Variants in COL6A1 observed in about 807,000 individuals in gnomAD.
The protein encoded by COL6A1 is collagen type VI alpha 1 chain.
COL6A1 carries 80 observed loss-of-function variants against 145.6 expected under a neutral mutation model. The observed-to-expected ratio is 0.55, with a 90% CI of 0.46 to 0.66. COL6A1 has a LOEUF of 0.66. COL6A1 is among the 30% of genes least tolerant of loss of function. The probability of loss-of-function intolerance (pLI) is 0.00; values close to 1 mark genes in which losing one functional copy is unlikely to be tolerated. For missense variants in COL6A1, 1,364 were observed against 1,473.8 expected (o/e 0.93, Z 1.22); for synonymous variants, 638 against 622.8 (o/e 1.02, Z -0.36).
At chr21:45,993,707 G>T (rs548602955) in intron 19 of COL6A1, among the ~76,000 whole-genome samples, 1 of 152,146 alleles carries the variant, frequency 6.6e-6, no homozygotes, top group Admixed American at 6.5e-5. Flanking sequence ...TGGAGGGGTC[G>T]GGGGGACGTC....
Position 45,999,690 on chromosome 21 carries a change from G to A in COL6A1, c.1774G>A (p.Asp592Asn), listed in dbSNP as rs1315696319. ...AGGACACCAAGGACCGCCTGGGCCG[G>A]ACGTAAGTGGGGCTCTGTGAACATT... is the stretch of plus-strand genomic sequence containing the variant. ...PPGHQGPPGP[D>N]ECEILDIIMK... The change falls in exon 27 of 35, where the codon GAC becomes AAC. Residue 592 changes from aspartate to asparagine, a missense_variant and splice_region_variant. Physicochemically the swap from Asp to Asn is conservative, Grantham distance 23. Coordinates refer to ENST00000361866, the MANE Select transcript of COL6A1 (RefSeq NM_001848.3). 1 of 1,613,154 alleles carries A rather than the reference G, an allele frequency of 6.2e-7. No individual in the cohort carries two copies. The highest frequency in any genetic ancestry group is 1.7e-5 in the Admixed American group (1 of 59,972).
At chr21:45,992,323 C>T in intron 17 of COL6A1, 40 bp from the exon 18 acceptor site, 1 of 1,613,768 alleles carries the variant, frequency 6.2e-7, no homozygotes, top group Non-Finnish European at 8.5e-7. Flanking sequence ...TGCAGTGTGT[C>T]CACCAGACTA....
chr21:45,992,832 T>C, intron 19 of COL6A1, 22 bp downstream of exon 19: 1 of 1,581,454 alleles, frequency 6.3e-7, no homozygotes, highest in Non-Finnish European at 8.6e-7. Context: ...TTCCTGGAGC[T>C]GGGAACCACC....
intron 1 of COL6A1, among the ~76,000 whole-genome samples, chr21:45,982,416 C>T (rs1287763175): frequency 6.6e-6 from 1 of 152,200 alleles, no homozygotes; most frequent in Admixed American, 6.5e-5. Context: ...GTGAAGGTTT[C>T]TGACTCCCCT....
At chr21:45,996,133 CTGTG>C (rs1269985018) in intron 20 of COL6A1, among the ~76,000 whole-genome samples, 1 of 152,242 alleles carries the variant, frequency 6.6e-6, no homozygotes, top group Non-Finnish European at 1.5e-5. Context: ...CACAGTCTGA[CTGTG>C]TGTGGTGAGG....
intron 15 of COL6A1, 115 bp downstream of exon 15, chr21:45,991,156 C>A: frequency 8.5e-7 from 1 of 1,178,256 alleles, no homozygotes; most frequent in Non-Finnish European, 1.2e-6. Flanking sequence ...CCCGTGCGGC[C>A]TCAGAGGGGA....
Position 45,997,703 on chromosome 21 carries a change from G to T in COL6A1, c.1465G>T (p.Ala489Ser). The change falls in exon 22 of 35, where the codon GCC becomes TCC. Residue 489 changes from alanine (A) to serine (S), a missense_variant. Transcript: ENST00000361866. ...CACGCCTCCTCTTCCTCCTCAGGGT[G>T]CCAGAGGAGCCCCAGGACCTGCCGG... is the stretch of plus-strand genomic sequence containing the variant. ...GDEGPPGSEGARGAPGPAGPP... is the reference protein window; with the variant it reads ...GDEGPPGSEGSRGAPGPAGPP... 6.3e-7 allele frequency: 1 copy of T among 1,588,784 alleles called. No homozygotes were observed. Among genetic ancestry groups the T allele is most frequent in the Non-Finnish European group, 8.6e-7 (1 of 1,167,502 alleles).
intron 15 of COL6A1, among the ~76,000 whole-genome samples, 192 bp downstream of exon 15, chr21:45,991,233 C>T (rs2077775243): frequency 6.6e-6 from 1 of 152,206 alleles, no homozygotes; most frequent in Non-Finnish European, 1.5e-5. Flanking sequence ...GGGACAGTGG[C>T]CGTGGCGCTC....
intron 26 of COL6A1, 110 bp downstream of exon 26, chr21:45,999,328 A>G (rs2077825052): frequency 8.9e-7 from 1 of 1,128,488 alleles, no homozygotes; most frequent in African/African-American, 1.5e-5. Context: ...GCGGGAGGGA[A>G]TTTTGGGGAG....
chr21:46,001,910 A>G, intron 30 of COL6A1, 51 bp from the exon 31 acceptor site: 1 of 1,529,196 alleles, frequency 6.5e-7, no homozygotes, highest in South Asian at 1.2e-5. Flanking sequence ...TGGGAAGCTT[A>G]TGCGGACCTG....
In COL6A1 at chr21:45,986,954, T is replaced by G; in HGVS notation, c.599T>G (p.Leu200Arg). ...GAACACTGCCCCCAGGAGCCGCGTCTGAGCATCATCGCCACGGACCACACG... is the reference window on the plus strand; with the variant it reads ...GAACACTGCCCCCAGGAGCCGCGTCGGAGCATCATCGCCACGGACCACACG... Reference protein sequence around the residue: ...AITPDHLEPRLSIIATDHTYR... With the variant: ...AITPDHLEPRRSIIATDHTYR... Residue 200 changes from leucine (L) to arginine (R), a missense_variant, in exon 5 of 35, where the codon CTG becomes CGG. Leu to Arg is a moderately radical substitution (Grantham distance 102, BLOSUM62 -2). Around this residue, in one of 3 missense-constraint regions of COL6A1, gnomAD observed 414 missense variants for 437.6 expected, o/e 0.95. Coordinates refer to ENST00000361866, the MANE Select transcript of COL6A1 (RefSeq NM_001848.3). 6.4e-7 allele frequency: 1 copy of G among 1,551,448 alleles called. No homozygotes were observed.
chr21:45,999,044 G>T (rs911976193), intron 25 of COL6A1, 85 bp downstream of exon 25: 2 of 1,543,584 alleles, frequency 1.3e-6, no homozygotes, highest in East Asian at 4.9e-5. Flanking sequence ...ACCAGGACCC[G>T]CTTGGGGAGG....
chr21:45,992,403 G>A lies in COL6A1; in HGVS notation c.1272+5G>A. The A allele has an allele frequency of 3.1e-6, 5 of 1,612,684 alleles. No homozygotes were observed. The highest frequency in any genetic ancestry group is 4.2e-6 in the Non-Finnish European group (5 of 1,179,752). On this transcript the variant is annotated splice_donor_5th_base_variant and intron_variant, in intron 18 of 34. Transcript: ENST00000361866. Reference sequence around the variant, plus strand: ...GACGGTGCCCCCGGGGAGCGGGTGAGTGGGGCAGGGGCAGCCTGCGCTGTT... The same window carrying A: ...GACGGTGCCCCCGGGGAGCGGGTGAATGGGGCAGGGGCAGCCTGCGCTGTT...
intron 3 of COL6A1, among the ~76,000 whole-genome samples, chr21:45,985,228 G>A (rs1358846800): frequency 7.2e-6 from 1 of 138,362 alleles, no homozygotes; most frequent in Non-Finnish European, 1.6e-5. Context: ...ACAGAGAGAA[G>A]CAGAGACAGG....
Position 45,995,681 on chromosome 21 carries a change from AG to A in COL6A1, c.1398+1454del, listed in dbSNP as rs907577937. On this transcript the variant is annotated intron_variant, in intron 20 of 34. Coordinates refer to ENST00000361866, the MANE Select transcript of COL6A1 (RefSeq NM_001848.3). ...TGCAGGGCCTCCAGGGCTGTGGGGC[AG>A]GCTGCACAGGGGCTGGTGGGTCCCA... is the stretch of plus-strand genomic sequence containing the variant. Among the ~76,000 whole-genome samples, 48 of 152,196 alleles carry A rather than the reference AG, an allele frequency of 3.2e-4. 1 individual carries two copies. The highest frequency in any genetic ancestry group is 1.5e-5 in the Non-Finnish European group (1 of 68,030).
rs2236486 is a variant in COL6A1, at chr21:46,002,730, G to A, written c.2434+20G>A. On this transcript the variant is annotated intron_variant, in intron 33 of 34. Coordinates refer to ENST00000361866, the MANE Select transcript of COL6A1 (RefSeq NM_001848.3). ...GCATAGGTGCGCATGGGGCCACCCG[G>A]GCAGTCCCAGATCTGCGTAGGTGCG... 0.34 allele frequency: 522,404 copies of A among 1,532,036 alleles called. 96,516 individuals are homozygous for A. The highest frequency in any genetic ancestry group is 0.63 in the East Asian group (27,562 of 43,968). 94.9% of individuals were successfully genotyped at this position (1,532,036 alleles called of 1,614,324 possible).
Position 46,004,077 on chromosome 21 carries a change from GT to G in COL6A1, c.*65del. 6.4e-7 allele frequency: 1 copy of G among 1,572,382 alleles called. No individual in the cohort carries two copies. The highest frequency in any genetic ancestry group is 1.9e-5 in the Admixed American group (1 of 53,916). On this transcript the variant is annotated 3_prime_UTR_variant, in exon 35 of 35. Coordinates refer to ENST00000361866, the MANE Select transcript of COL6A1 (RefSeq NM_001848.3). Reference sequence around the variant, plus strand: ...CCCTCCCCACTCATCACTAAACAGAGTAAAATGTGATGCGAATTTTCCCGAC... The same window carrying G: ...CCCTCCCCACTCATCACTAAACAGAGAAAATGTGATGCGAATTTTCCCGAC...
chr21:45,993,296 C>T (rs1484232104), intron 19 of COL6A1, among the ~76,000 whole-genome samples: 1 of 152,204 alleles, frequency 6.6e-6, no homozygotes, highest in African/African-American at 2.4e-5. Context: ...CACCCCACAG[C>T]CCAGCCTCAG....
chr21:45,998,477 T>C lies in COL6A1; in HGVS notation c.1611+44T>C, dbSNP rs1005241380. On this transcript the variant is annotated intron_variant, in intron 24 of 34. Coordinates refer to ENST00000361866, the MANE Select transcript of COL6A1 (RefSeq NM_001848.3). ...CCATCTGGCTGTGGGCACACAAACATTCACAGTCACAGGGACACGCACGTG... is the reference window on the plus strand; with the variant it reads ...CCATCTGGCTGTGGGCACACAAACACTCACAGTCACAGGGACACGCACGTG... 9.9e-6 allele frequency: 16 copies of C among 1,612,416 alleles called. No individual in the cohort carries two copies. The African/African-American group carries it at 1.7e-4, about 17-fold the overall frequency.
Sources: allele counts gnomAD v4.1 joint callset (sites outside exome capture counted in the v4.1 genomes callset), GRCh38; gene constraint gnomAD v4.1.1; regional missense constraint gnomAD v4.1.1; transcripts MANE v1.5; gene names NCBI Gene and HGNC (gene_info 2026-07-23, HGNC 2026-07-21).